The following KANK1 variants were observed in gnomAD, a reference collection of about 807,000 sequenced individuals.
The protein encoded by KANK1 is KN motif and ankyrin repeat domain-containing protein 1.
KANK1 carries 109 observed loss-of-function variants against 106.2 expected under a neutral mutation model. The ratio of observed to expected loss-of-function variants is 1.03; its 90% CI spans 0.88 to 1.20. The LOEUF (loss-of-function observed/expected upper bound fraction) is 1.20, where lower values mean the gene tolerates loss of function less well. KANK1 is among the 50% of genes most tolerant of loss of function. The pLI is 0.00. For synonymous variants in KANK1, 873 were observed against 652.2 expected, an observed-to-expected ratio of 1.34 and a Z score of -5.16; for missense variants, 2,399 against 1,710.7, an observed-to-expected ratio of 1.40 and a Z score of -7.10.
Position 676,150 on chromosome 9 carries a change from T to A in KANK1, c.-83-740T>A, listed in dbSNP as rs34147505. On this transcript the variant is annotated intron_variant, in intron 1 of 11. Coordinates refer to ENST00000382297, the MANE Select transcript of KANK1 (RefSeq NM_015158.5). ...TTTTATCAGCAAGGTCTTTGTGACCTGTATCTTGTGCTGACCTGTCTCATC... is the reference window on the plus strand; with the variant it reads ...TTTTATCAGCAAGGTCTTTGTGACCAGTATCTTGTGCTGACCTGTCTCATC... Among the ~76,000 whole-genome samples, 1,139 of 152,200 alleles carry A rather than the reference T, an allele frequency of 7.5e-3. 23 individuals carry two copies. Among genetic ancestry groups the A allele is most frequent in the African/African-American group, 0.025 (1,057 of 41,506 alleles).
At chr9:706,673 GC>G in intron 2 of KANK1, 1 of 559,298 alleles carries the variant, frequency 1.8e-6, no homozygotes, top group Non-Finnish European at 2.3e-6. Context: ...AGTGGCAAAG[GC>G]TCAGTTGAAA....
At chr9:622,573 C>T (rs578038524) in intron 1 of KANK1, among the ~76,000 whole-genome samples, 4 of 152,256 alleles carry the variant, frequency 2.6e-5, no homozygotes, top group African/African-American at 9.6e-5. Context: ...GGACCCTTAA[C>T]ACCATATACA....
chr9:499,207 TATC>T (rs920491528), intron 3 of KANK1, among the ~76,000 whole-genome samples: 8 of 151,740 alleles, frequency 5.3e-5, no homozygotes, highest in East Asian at 1.9e-4. Flanking sequence ...AACGCAGAGT[TATC>T]ATATGACCAA....
intron 1 of KANK1, among the ~76,000 whole-genome samples, chr9:567,428 TTTAAAG>T (rs1818074245): frequency 1.3e-5 from 2 of 152,384 alleles, no homozygotes; most frequent in African/African-American, 4.8e-5. Context: ...TCATTCTTGC[TTTAAAG>T]TTAAACTATA....
chr9:528,401 TTTTA>T (rs1256755477), intron 1 of KANK1, among the ~76,000 whole-genome samples: 1 of 151,858 alleles, frequency 6.6e-6, no homozygotes, highest in Non-Finnish European at 1.5e-5. Flanking sequence ...GTCTTGGTCT[TTTTA>T]TTCCATTTTC....
At chr9:596,678 GT>G (rs1826302339) in intron 1 of KANK1, among the ~76,000 whole-genome samples, 2 of 151,712 alleles carry the variant, frequency 1.3e-5, no homozygotes, top group Admixed American at 1.3e-4. Context: ...TACTTTACCA[GT>G]TCCCCATTGG....
rs756760516 is a variant in KANK1 at position 712,098 on chromosome 9, G to C, written c.1332G>C (p.Met444Ile). The C allele has an allele frequency of 6.2e-7, 1 of 1,614,196 alleles. No homozygotes were observed. Among genetic ancestry groups the C allele is most frequent in the South Asian group, 1.1e-5 (1 of 91,084 alleles). Residue 444 changes from methionine (M) to isoleucine (I), a missense_variant, in exon 3 of 12, where the codon ATG becomes ATC. Met to Ile is a conservative substitution (Grantham distance 10). Transcript: ENST00000382297. ...RNCGVSVTEA[M>I]LGVMTEADKE... ...GTGGGGTCAGCGTGACAGAGGCCAT[G>C]CTTGGAGTGATGACTGAAGCTGACA...
chr9:738,295 T>A lies in KANK1; in HGVS notation c.3344T>A (p.Leu1115Gln). 1 of 1,612,482 alleles carries A rather than the reference T, an allele frequency of 6.2e-7. No homozygotes were observed. Among genetic ancestry groups the A allele is most frequent in the Non-Finnish European group, 8.5e-7 (1 of 1,179,304 alleles). Reference sequence around the variant, plus strand: ...TTGGTGTTTTGGCAGAGGTTCTGTCTGAACACCCTCCAGCACGAGTGGTTC... The same window carrying A: ...TTGGTGTTTTGGCAGAGGTTCTGTCAGAACACCCTCCAGCACGAGTGGTTC... ...ALTSKDMRFC[L>Q]NTLQHEWFRV... The change falls in exon 8 of 12, where the codon CTG becomes CAG. Residue 1115 changes from leucine (L) to glutamine (Q), a missense_variant. Leu to Gln is a moderately radical substitution (Grantham distance 113). Transcript: ENST00000382297.
chr9:657,351 T>C (rs1220910580), intron 1 of KANK1, among the ~76,000 whole-genome samples: 5 of 152,150 alleles, frequency 3.3e-5, no homozygotes, highest in Non-Finnish European at 5.9e-5. Flanking sequence ...CAAATGTCTC[T>C]TCGAGTTCCT....
At chr9:719,956 C>T (rs1232758206) in intron 3 of KANK1, among the ~76,000 whole-genome samples, 1 of 152,156 alleles carries the variant, frequency 6.6e-6, no homozygotes, top group Non-Finnish European at 1.5e-5. Context: ...ATAAAGTTTT[C>T]ATTTTAAGTG....
In KANK1 at chr9:585,770, G is replaced by A. The variant is rs540235320; in HGVS notation, c.-84+81016G>A. ...AAAGAGGGGGTAAGAAAAGTCTATG[G>A]GGAACTGATGGGCACAAAGGCAGGG... On this transcript the variant is annotated intron_variant, in intron 1 of 11. Transcript: ENST00000382297. Among the ~76,000 whole-genome samples the A allele has an allele frequency of 2.6e-5, 4 of 152,230 alleles. No individual in the cohort carries two copies. The South Asian group carries it at 8.3e-4, about 32-fold the overall frequency.
chr9:556,015 C>A (rs541997398), intron 1 of KANK1, among the ~76,000 whole-genome samples: 1 of 152,162 alleles, frequency 6.6e-6, no homozygotes, highest in African/African-American at 2.4e-5. Context: ...TTTAATCATA[C>A]TATAAAATAC....
intron 1 of KANK1, among the ~76,000 whole-genome samples, chr9:546,832 G>C (rs2060962730): frequency 6.6e-6 from 1 of 152,118 alleles, no homozygotes; most frequent in Non-Finnish European, 1.5e-5. Flanking sequence ...TGAGTGCTAT[G>C]TTGATAAGGC....
intron 1 of KANK1, among the ~76,000 whole-genome samples, chr9:586,992 A>G (rs1016697382): frequency 1.3e-5 from 2 of 152,206 alleles, no homozygotes; most frequent in African/African-American, 4.8e-5. Context: ...ATTTCCCTCA[A>G]AAACATTTCT....
chr9:735,797 G>C (rs1269838558), intron 7 of KANK1: 1 of 387,792 alleles, frequency 2.6e-6, no homozygotes, highest in Admixed American at 2.6e-5. Flanking sequence ...AGTTCGAGAC[G>C]AGCTTAGCCA....
chr9:695,348 T>C (rs1197248730), intron 2 of KANK1, among the ~76,000 whole-genome samples: 1 of 152,122 alleles, frequency 6.6e-6, no homozygotes, highest in Non-Finnish European at 1.5e-5. Flanking sequence ...AACCTGGCCA[T>C]AATATGCTTT....
intron 1 of KANK1, among the ~76,000 whole-genome samples, chr9:545,826 A>T (rs1395527693): frequency 6.8e-6 from 1 of 147,780 alleles, no homozygotes; most frequent in East Asian, 2.0e-4. Context: ...GCTCACTGCA[A>T]CCTCTGCCTC....
chr9:742,318 C>T lies in KANK1; in HGVS notation c.3810C>T (p.Ala1270=), dbSNP rs768541678. The change falls in exon 10 of 12, where the codon GCC becomes GCT. Residue 1270 remains alanine (A), a synonymous_variant. Transcript: ENST00000382297. ...VNIQDDEGST[A]LMCASEHGHV... ...TCCAGGATGACGAGGGCTCCACGGC[C>T]CTCATGTGTGCCAGCGAGCACGGAC... The T allele has an allele frequency of 1.2e-6, 2 of 1,614,080 alleles. No individual in the cohort carries two copies. The highest frequency in any genetic ancestry group is 2.2e-5 in the East Asian group (1 of 44,866).
chr9:732,483 G>T lies in KANK1; in HGVS notation c.3111G>T (p.Glu1037Asp), dbSNP rs767400782. Residue 1037 changes from glutamate (E) to aspartate (D), a missense_variant, in exon 6 of 12, where the codon GAG (glutamate) becomes GAT (aspartate). Glu to Asp is a conservative substitution (Grantham distance 45). Coordinates refer to ENST00000382297, the MANE Select transcript of KANK1 (RefSeq NM_015158.5). ...VIEYPLEEEEEEEDEDTRGMA... is the reference protein window; with the variant it reads ...VIEYPLEEEEDEEDEDTRGMA... ...AGTATCCTCTTGAAGAAGAGGAGGA[G>T]GAGGAGGATGAAGACACTCGGGGAA... 6.2e-7 allele frequency: 1 copy of T among 1,614,148 alleles called. No homozygotes were observed. Among genetic ancestry groups the T allele is most frequent in the Non-Finnish European group, 8.5e-7 (1 of 1,180,012 alleles).
Sources: allele counts gnomAD v4.1 joint callset (sites outside exome capture counted in the v4.1 genomes callset), GRCh38; gene constraint gnomAD v4.1.1; transcripts MANE v1.5; gene names NCBI Gene and HGNC (gene_info 2026-07-23, HGNC 2026-07-21).